KIF14: variants seen among roughly 807,000 people sequenced by gnomAD.
The protein encoded by KIF14 is kinesin family member 14.
Under a neutral mutation model 176.2 loss-of-function variants are expected in KIF14, and 98 were observed. That is an observed-to-expected ratio of 0.56 (90% CI 0.47 to 0.66). KIF14 has a LOEUF of 0.66. KIF14 is among the 30% of genes least tolerant of loss of function. The probability of loss-of-function intolerance (pLI) is 0.00; values close to 1 mark genes in which losing one functional copy is unlikely to be tolerated. For synonymous variants in KIF14, 566 were observed against 632.2 expected (o/e 0.90, Z 1.57); for missense variants, 1,751 against 1,920.4 (o/e 0.91, Z 1.65).
At chr1:200,567,148 G>A (rs572751376) in intron 23 of KIF14, among the ~76,000 whole-genome samples, 9 of 149,886 alleles carry the variant, frequency 6.0e-5, no homozygotes, top group Non-Finnish European at 8.9e-5. Flanking sequence ...TCCAGCCTGG[G>A]CAAAAAGAGC....
intron 4 of KIF14, among the ~76,000 whole-genome samples, chr1:200,610,388 T>C (rs1302655798): frequency 1.3e-5 from 2 of 151,652 alleles, no homozygotes; most frequent in African/African-American, 2.4e-5. Flanking sequence ...CGGGTATCTG[T>C]AGTCCCAGCT....
rs1656788712 is a variant in KIF14 at position 200,555,522 on chromosome 1, T to C, written c.4354-68A>G. ...GAAGTACAAAAATCATAGAATTGCA[T>C]GGGACCAGACTTTTAAAAAATTCTA... On this transcript the variant is annotated intron_variant, in intron 27 of 29. Coordinates refer to ENST00000367350, the MANE Select transcript of KIF14 (RefSeq NM_014875.3). 6 of 919,732 alleles carry C rather than the reference T, an allele frequency of 6.5e-6. No homozygotes were observed. In the South Asian group the frequency reaches 9.6e-5, roughly 15 times the overall value. 57.0% of individuals were successfully genotyped at this position (919,732 alleles called of 1,614,324 possible). A position where few individuals can be genotyped will look rare whatever the true frequency, so the allele number is the denominator to read the frequency against.
Position 200,598,313 on chromosome 1 carries a change from T to C in KIF14, c.2473A>G (p.Thr825Ala). Residue 825 changes from threonine (T) to alanine (A), a missense_variant, in exon 14 of 30, where the codon ACT becomes GCT. Thr to Ala is a moderately conservative substitution (Grantham distance 58, BLOSUM62 0). Transcript: ENST00000367350. ...MLLYMIKEGT[T>A]TVGKYKPNSS... The stretch of plus-strand genomic sequence containing the variant: ...TTTGGTTTATACTTTCCAACTGTAG[T>C]TGTTCCTTCTTTTATCATATATAGC... 2 of 1,613,520 alleles carry C rather than the reference T, an allele frequency of 1.2e-6. No individual in the cohort carries two copies. Among genetic ancestry groups the C allele is most frequent in the Admixed American group, 1.7e-5 (1 of 59,972 alleles).
chr1:200,564,555 T>G (rs1180693000), intron 25 of KIF14, among the ~76,000 whole-genome samples: 1 of 152,152 alleles, frequency 6.6e-6, no homozygotes, highest in Admixed American at 6.6e-5. Context: ...ACAAAATTAT[T>G]TCCTTGTCTC....
intron 21 of KIF14, 113 bp downstream of exon 21, chr1:200,580,141 T>C (rs1292521027): frequency 1.8e-5 from 9 of 487,834 alleles, no homozygotes; most frequent in Non-Finnish European, 2.6e-5. Context: ...AAATTTTCTA[T>C]ATGGAGAATA....
chr1:200,593,551 A>C, intron 15 of KIF14, 116 bp downstream of exon 15: 1 of 720,770 alleles, frequency 1.4e-6, no homozygotes, highest in East Asian at 2.6e-5. Context: ...TTGAAATGAA[A>C]AAGTCCTTAA....
At chr1:200,605,657 G>A (rs1659845054) in intron 7 of KIF14, among the ~76,000 whole-genome samples, 1 of 152,020 alleles carries the variant, frequency 6.6e-6, no homozygotes, top group Non-Finnish European at 1.5e-5. Context: ...TTAAAAGGCT[G>A]TTTCCATAAC....
chr1:200,603,462 T>C, intron 9 of KIF14, 121 bp from the exon 10 acceptor site: 1 of 602,252 alleles, frequency 1.7e-6, no homozygotes, highest in Non-Finnish European at 2.9e-6. Flanking sequence ...TTTCTTTTTT[T>C]TTGAGACAGA....
intron 16 of KIF14, 125 bp from the exon 17 acceptor site, chr1:200,590,397 C>T (rs1214256948): frequency 5.8e-6 from 5 of 855,498 alleles, no homozygotes; most frequent in African/African-American, 1.7e-5. Context: ...TGATTTCTGA[C>T]ATTCTATCAA....
At chr1:200,586,470 T>C (rs1479700775) in intron 18 of KIF14, among the ~76,000 whole-genome samples, 1 of 152,176 alleles carries the variant, frequency 6.6e-6, no homozygotes, top group Non-Finnish European at 1.5e-5. Context: ...TAAGCCTATA[T>C]AGTTAACATG....
rs1660523853 is a variant in KIF14, at chr1:200,618,452, T to C, written c.272A>G (p.Gln91Arg). The C allele has an allele frequency of 6.2e-7, 1 of 1,614,220 alleles. No homozygotes were observed. The highest frequency in any genetic ancestry group is 8.5e-7 in the Non-Finnish European group (1 of 1,180,026). The change falls in exon 2 of 30, where the codon CAG becomes CGG. Residue 91 changes from glutamine to arginine, a missense_variant. Transcript: ENST00000367350. The stretch of plus-strand genomic sequence containing the variant: ...TTCTTTGTTCCTTGTAGTTCTCCTC[T>C]GAAGTGCCAATCTACCTACAGGATT... ...TPNPVGRLAL[Q>R]RRTTRNKESS...
At chr1:200,570,067 A>T in intron 22 of KIF14, 62 bp from the exon 23 acceptor site, 1 of 776,116 alleles carries the variant, frequency 1.3e-6, no homozygotes, top group Non-Finnish European at 2.0e-6. Flanking sequence ...ATTATTAAGA[A>T]TATTTATAAG....
chr1:200,602,529 T>C (rs1659676872), intron 10 of KIF14, among the ~76,000 whole-genome samples: 1 of 152,202 alleles, frequency 6.6e-6, no homozygotes, highest in Non-Finnish European at 1.5e-5. Flanking sequence ...TAGTGCAGAA[T>C]GAATGTCACT....
chr1:200,617,267 C>T (rs2102787369), intron 2 of KIF14, among the ~76,000 whole-genome samples: 1 of 152,300 alleles, frequency 6.6e-6, no homozygotes, highest in African/African-American at 2.4e-5. Context: ...CACACCTGGC[C>T]TGTTATGGCT....
At position 200,617,660 on chromosome 1, in the gene KIF14, T is replaced by G; in HGVS notation, c.1064A>C (p.Glu355Ala). ...TSAGKDPLKV[E>A]NSQVTVAVRV... ...TACTGCCACTGTCACTTGACTATTC[T>G]CTACTTTTAAGGGGTCTTTTCCTGC... Residue 355 changes from glutamate to alanine, a missense_variant, in exon 2 of 30, where the codon GAG becomes GCG. Glu to Ala is a moderately radical substitution (Grantham distance 107, BLOSUM62 -1). Coordinates refer to ENST00000367350, the MANE Select transcript of KIF14 (RefSeq NM_014875.3). 6.2e-7 allele frequency: 1 copy of G among 1,613,958 alleles called. No individual in the cohort carries two copies. The highest frequency in any genetic ancestry group is 1.1e-5 in the South Asian group (1 of 91,078).
At chr1:200,587,695 A>G (rs911339440) in intron 18 of KIF14, among the ~76,000 whole-genome samples, 1 of 152,156 alleles carries the variant, frequency 6.6e-6, no homozygotes, top group Non-Finnish European at 1.5e-5. Flanking sequence ...AGACACCTGT[A>G]ATCCCAGCTA....
At position 200,565,425 on chromosome 1, in the gene KIF14, A is replaced by G; in HGVS notation, c.3886+20T>C. ...AAATAATCATTTATGTGAGTTAACA[A>G]AAGCAGTGAGATTGCTTACAGTTAT... On this transcript the variant is annotated intron_variant, in intron 24 of 29. Coordinates refer to ENST00000367350, the MANE Select transcript of KIF14 (RefSeq NM_014875.3). 6.5e-7 allele frequency: 1 copy of G among 1,543,120 alleles called. No homozygotes were observed.
chr1:200,593,741 TCACTGTCC>T lies in KIF14; in HGVS notation c.2570_2577del (p.Gly857GlufsTer27), dbSNP rs1659170643. On this transcript the variant is annotated frameshift_variant, in exon 15 of 30. Coordinates refer to ENST00000367350, the MANE Select transcript of KIF14 (RefSeq NM_014875.3). LOFTEE classifies it high-confidence loss of function. Reference sequence around the variant, plus strand: ...TTTGCTTCCCCAACTGGGATAATACTCACTGTCCCACCAAAATTTTTGATAGTACTGTT... The same window carrying T: ...TTTGCTTCCCCAACTGGGATAATACTCACCAAAATTTTTGATAGTACTGTT... The T allele has an allele frequency of 6.2e-7, 1 of 1,611,876 alleles. No individual in the cohort carries two copies. The highest frequency in any genetic ancestry group is 2.2e-5 in the East Asian group (1 of 44,780).
In KIF14 at chr1:200,560,843, G is replaced by A; in HGVS notation, c.4109C>T (p.Ala1370Val). Reference sequence around the variant, plus strand: ...TACAATTTGGATTGCATTCTTTTGAGCCTCTTTTATCATTGATGAAATATC... The same window carrying A: ...TACAATTTGGATTGCATTCTTTTGAACCTCTTTTATCATTGATGAAATATC... ...CLDISSMIKE[A>V]QKNAIQIVQQ... The change falls in exon 26 of 30, where the codon GCT (alanine) becomes GTT (valine). Residue 1370 changes from alanine (A) to valine (V), a missense_variant. Transcript: ENST00000367350. 6.2e-7 allele frequency: 1 copy of A among 1,613,910 alleles called. No individual in the cohort carries two copies.
Sources: allele counts gnomAD v4.1 joint callset (sites outside exome capture counted in the v4.1 genomes callset), GRCh38; gene constraint gnomAD v4.1.1; transcripts MANE v1.5; gene names NCBI Gene and HGNC (gene_info 2026-07-23, HGNC 2026-07-21).